ECM2: variants seen among roughly 807,000 people sequenced by gnomAD.
ECM2 encodes extracellular matrix protein 2, female organ and adipocyte specific.
ECM2 carries 57 observed loss-of-function variants against 67.5 expected under a neutral mutation model. That is an observed-to-expected ratio of 0.84 (90% confidence interval 0.68 to 1.05). ECM2 has a LOEUF of 1.05. Ranked by LOEUF, ECM2 falls within the 50% of genes least tolerant of loss-of-function variation. The pLI is 0.00. For synonymous variants in ECM2, 258 were observed against 294.5 expected (o/e 0.88, Z 1.27); for missense variants, 741 against 822.8 (o/e 0.90, Z 1.22).
intron 9 of ECM2, among the ~76,000 whole-genome samples, chr9:92,499,357 G>A (rs572299226): frequency 1.0e-3 from 154 of 152,202 alleles, no homozygotes; most frequent in Middle Eastern, 3.4e-3. Flanking sequence ...CCTAGTTGAT[G>A]AGCAAAAAAT....
chr9:92,556,223 C>T, the ECM2 span, among the ~76,000 whole-genome samples: 1 of 152,092 alleles, frequency 6.6e-6, no homozygotes, highest in South Asian at 2.1e-4. Context: ...AATTGATTTC[C>T]AGTTTTATTC....
downstream of ECM2, chr9:92,493,967 G>T: frequency 3.3e-6 from 3 of 904,538 alleles, no homozygotes; most frequent in Admixed American, 2.3e-5. Flanking sequence ...GTTGAGGGTG[G>T]CCGTAGTCTC....
intron 1 of ECM2, among the ~76,000 whole-genome samples, chr9:92,531,047 T>C (rs1848717216): frequency 6.6e-6 from 1 of 152,210 alleles, no homozygotes; most frequent in Non-Finnish European, 1.5e-5. Flanking sequence ...TTCCTATTAG[T>C]GGCATATTGT....
the ECM2 span, among the ~76,000 whole-genome samples, chr9:92,554,016 C>T: frequency 6.6e-6 from 1 of 152,022 alleles, no homozygotes; most frequent in African/African-American, 2.4e-5. Flanking sequence ...TCAACTTTTC[C>T]CCATTCAGTA....
chr9:92,496,432 AT>A lies in ECM2; in HGVS notation c.1982del (p.Asn661IlefsTer25), dbSNP rs1564353479. The stretch of plus-strand genomic sequence containing the variant: ...TGTTTTCAAGATGAAGATGTTCCAG[AT>A]TTGAGTCATCATCCTCTTCAGCATT... ...ICNAEEDDDS[N>X]LEHLHLENNY... On this transcript the variant is annotated frameshift_variant, in exon 10 of 10. Transcript: ENST00000344604. LOFTEE classifies it high-confidence loss of function. The A allele has an allele frequency of 3.7e-6, 6 of 1,609,280 alleles. No individual in the cohort carries two copies. The highest frequency in any genetic ancestry group is 5.1e-6 in the Non-Finnish European group (6 of 1,178,536).
At chr9:92,551,953 G>T in the ECM2 span, among the ~76,000 whole-genome samples, 17 of 108,108 alleles carry the variant, frequency 1.6e-4, 1 homozygote, top group African/African-American at 3.5e-4. Flanking sequence ...ATATATATAT[G>T]ATATATATAT....
In ECM2 at chr9:92,522,709, A is replaced by G. The variant is rs1329867045; in HGVS notation, c.158T>C (p.Leu53Pro). 2 of 1,614,174 alleles carry G rather than the reference A, an allele frequency of 1.2e-6. No individual in the cohort carries two copies. The highest frequency in any genetic ancestry group is 1.7e-4 in the Middle Eastern group (1 of 6,060). ...AAAAACTGTTGTTTGCTGAATTCCA[A>G]GCTGTCTGTTTGATCTGTGCTTGTG... The part of the protein sequence containing the change: ...TSHKHRSNRQ[L>P]GIQQTTVFTP... Residue 53 changes from leucine to proline, a missense_variant, in exon 2 of 10, where the codon CTT becomes CCT. Transcript: ENST00000344604.
chr9:92,532,475 A>G (rs754427610), intron 1 of ECM2, among the ~76,000 whole-genome samples: 11 of 151,942 alleles, frequency 7.2e-5, no homozygotes, highest in Admixed American at 1.3e-4. Flanking sequence ...GTACTTGCAT[A>G]TCAGCTTTCT....
chr9:92,521,902 A>G (rs1189561625), intron 2 of ECM2, among the ~76,000 whole-genome samples: 1 of 152,200 alleles, frequency 6.6e-6, no homozygotes, highest in Non-Finnish European at 1.5e-5. Flanking sequence ...GTTTATGTAT[A>G]TTATCTATGT....
At chr9:92,536,995 G>A (rs150362801), upstream of ECM2, among the ~76,000 whole-genome samples, 21 of 150,920 alleles carry the variant, frequency 1.4e-4, no homozygotes, top group East Asian at 3.9e-3. Context: ...TCAGCTTCCC[G>A]AGTAGGTGGG....
At chr9:92,549,348 T>C in the ECM2 span, among the ~76,000 whole-genome samples, 1 of 152,184 alleles carries the variant, frequency 6.6e-6, no homozygotes, top group Admixed American at 6.5e-5. Flanking sequence ...AAGAATGATT[T>C]GAGTGAAAAC....
In ECM2 at chr9:92,528,614, C is replaced by T. The variant is rs958889885; in HGVS notation, c.-27-5721G>A. ...AAAAAGACCAGGAAGAGTTTGTGTT[C>T]CACCAGTCAGAGTGGAAAACCTTAC... On this transcript the variant is annotated intron_variant, in intron 1 of 9. Coordinates refer to ENST00000344604, the MANE Select transcript of ECM2 (RefSeq NM_001393.4). Among the ~76,000 whole-genome samples the T allele has an allele frequency of 2.2e-4, 34 of 152,308 alleles. 1 individual carries two copies. Among genetic ancestry groups the T allele is most frequent in the Admixed American group, 2.1e-3 (32 of 15,302 alleles).
intron 4 of ECM2, 90 bp downstream of exon 4, chr9:92,514,541 C>T: frequency 6.8e-7 from 1 of 1,480,702 alleles, no homozygotes; most frequent in South Asian, 1.5e-5. Flanking sequence ...TTTCAAAGTG[C>T]TGAGATTATA....
At chr9:92,545,271 G>A in the ECM2 span, among the ~76,000 whole-genome samples, 1 of 152,160 alleles carries the variant, frequency 6.6e-6, no homozygotes, top group African/African-American at 2.4e-5. Flanking sequence ...GAGGTGTGGA[G>A]AGAGAGGTAC....
the ECM2 span, among the ~76,000 whole-genome samples, chr9:92,550,624 T>C: frequency 1.3e-5 from 2 of 152,110 alleles, no homozygotes; most frequent in African/African-American, 4.8e-5. Context: ...GAAGTATTTC[T>C]AGATAGTTAT....
rs2131246361 is a variant in ECM2, at chr9:92,522,858, A to G, written c.9T>C (p.Ile3=). 2 of 1,600,792 alleles carry G rather than the reference A, an allele frequency of 1.2e-6. No homozygotes were observed. Among genetic ancestry groups the G allele is most frequent in the Non-Finnish European group, 1.7e-6 (2 of 1,175,946 alleles). The change falls in exon 2 of 10, where the codon ATT becomes ATC. Residue 3 remains isoleucine (I), a synonymous_variant. Transcript: ENST00000344604. ...GCAGAAAAAAACAAAACAAAACTGC[A>G]ATCTTCATGTTTGATTTTTTTCCAC... is the stretch of plus-strand genomic sequence containing the variant. MK[I]AVLFCFFLLI... is the part of the protein sequence containing the mutation.
At position 92,502,528 on chromosome 9, in the gene ECM2, G is replaced by A. The variant is rs765952970; in HGVS notation, c.1589C>T (p.Ala530Val). The A allele has an allele frequency of 4.3e-6, 7 of 1,612,564 alleles. No individual in the cohort carries two copies. In the East Asian group the frequency reaches 1.6e-4, roughly 36 times the overall value. Residue 530 changes from alanine to valine, a missense_variant, in exon 8 of 10, where the codon GCC (alanine) becomes GTC (valine). Ala to Val is a moderately conservative substitution (Grantham distance 64). Coordinates refer to ENST00000344604, the MANE Select transcript of ECM2 (RefSeq NM_001393.4). ...ATGTACTTACTCTTGATTTATCCAGGCTAAAGGAGCAATCCTATTTTCTTC... is the reference window on the plus strand; with the variant it reads ...ATGTACTTACTCTTGATTTATCCAGACTAAAGGAGCAATCCTATTTTCTTC... ...KIEENRIAPL[A>V]WINQENLESI...
chr9:92,547,204 A>T, the ECM2 span, among the ~76,000 whole-genome samples: 2 of 152,076 alleles, frequency 1.3e-5, no homozygotes, highest in Non-Finnish European at 2.9e-5. Context: ...TTTAAAAAGA[A>T]TAAAGAAAGC....
chr9:92,533,323 AAAAAAATATATATATATATAT>A (rs1848950408), intron 1 of ECM2, among the ~76,000 whole-genome samples: 1 of 99,106 alleles, frequency 1.0e-5, no homozygotes, highest in Non-Finnish European at 2.0e-5. Flanking sequence ...AAAAAAAAAA[AAAAAAATATATATATATATAT>A]ATATATATAT....
Sources: allele counts gnomAD v4.1 joint callset (sites outside exome capture counted in the v4.1 genomes callset), GRCh38; gene constraint gnomAD v4.1.1; transcripts MANE v1.5; gene names NCBI Gene and HGNC (gene_info 2026-07-23, HGNC 2026-07-21).